Variants in PHLPP1 observed in about 807,000 individuals in gnomAD.
The protein encoded by PHLPP1 is PH domain leucine-rich repeat-containing protein phosphatase 1.
A neutral mutation model predicts 117.2 loss-of-function variants in PHLPP1; 42 were observed. The observed-to-expected ratio is 0.36, with a 90% CI of 0.28 to 0.46. The LOEUF is 0.46. PHLPP1 is among the 20% of genes least tolerant of loss of function. The probability of loss-of-function intolerance (pLI) is 1.00; values close to 1 mark genes in which losing one functional copy is unlikely to be tolerated. For synonymous variants in PHLPP1, 1,042 were observed against 970.7 expected (o/e 1.07, Z -1.37); for missense variants, 2,084 against 2,241.9 (o/e 0.93, Z 1.42).
chr18:62,748,999 A>G (rs1044988269), intron 1 of PHLPP1, among the ~76,000 whole-genome samples: 1 of 152,304 alleles, frequency 6.6e-6, no homozygotes, highest in African/African-American at 2.4e-5. Context: ...TAAAAAGCGT[A>G]TAATCACCAT....
Position 62,975,601 on chromosome 18 carries a change from A to G in PHLPP1, c.3960A>G (p.Lys1320=). 1 of 1,612,530 alleles carries G rather than the reference A, an allele frequency of 6.2e-7. No individual in the cohort carries two copies. ...MSCEEELKRI[K]QHKAIITEDG... ...GTGAAGAAGAGCTGAAGAGGATTAAACAGCACAAGGCCATTATCACTGAGG... is the reference window on the plus strand; with the variant it reads ...GTGAAGAAGAGCTGAAGAGGATTAAGCAGCACAAGGCCATTATCACTGAGG... The change falls in exon 16 of 17, where the codon AAA becomes AAG. Residue 1320 remains lysine (K), a synonymous_variant. Coordinates refer to ENST00000262719, the MANE Select transcript of PHLPP1 (RefSeq NM_194449.4).
intron 1 of PHLPP1, among the ~76,000 whole-genome samples, chr18:62,766,118 T>TATATATATATATAAAA (rs1912517936): frequency 1.2e-5 from 1 of 86,296 alleles, no homozygotes; most frequent in Non-Finnish European, 2.3e-5. Flanking sequence ...ATATATATAT[T>TATATATATATATAAAA]TGTACAGAAA....
At chr18:62,875,376 G>T (rs1281357243) in intron 4 of PHLPP1, among the ~76,000 whole-genome samples, 6 of 152,158 alleles carry the variant, frequency 3.9e-5, no homozygotes, top group African/African-American at 1.4e-4. Context: ...GCCATTGTGT[G>T]TTACTATTGT....
chr18:62,807,344 C>G (rs531488930), intron 1 of PHLPP1, among the ~76,000 whole-genome samples: 4 of 152,094 alleles, frequency 2.6e-5, no homozygotes, highest in African/African-American at 7.2e-5. Flanking sequence ...AGGTACTACT[C>G]TAAAATTTTA....
intron 1 of PHLPP1, among the ~76,000 whole-genome samples, chr18:62,737,701 C>T (rs1335140104): frequency 2.0e-5 from 3 of 152,002 alleles, no homozygotes; most frequent in Non-Finnish European, 4.4e-5. Context: ...ACCTCTGCTG[C>T]AGTTGTGATA....
intron 15 of PHLPP1, among the ~76,000 whole-genome samples, chr18:62,973,412 G>A (rs1911105883): frequency 6.6e-6 from 1 of 152,178 alleles, no homozygotes; most frequent in African/African-American, 2.4e-5. Context: ...TAATGGAATT[G>A]CCTGTCTATA....
intron 13 of PHLPP1, among the ~76,000 whole-genome samples, chr18:62,962,564 C>T (rs987911133): frequency 5.3e-5 from 8 of 152,224 alleles, no homozygotes; most frequent in African/African-American, 1.9e-4. Flanking sequence ...CCGCCTTGGC[C>T]TCCCAAAGTG....
In PHLPP1 at chr18:62,979,190, A is replaced by T. The variant is rs1182543875; in HGVS notation, c.4913A>T (p.Glu1638Val). 2 of 1,613,470 alleles carry T rather than the reference A, an allele frequency of 1.2e-6. No individual in the cohort carries two copies. The change falls in exon 17 of 17, where the codon GAG (glutamate) becomes GTG (valine). Residue 1638 changes from glutamate to valine, a missense_variant. By Grantham distance (121) the Glu-to-Val change is moderately radical. Transcript: ENST00000262719. ...APQERSHNVIEVATDAPLRKP... is the reference protein window; with the variant it reads ...APQERSHNVIVVATDAPLRKP... ...CAGGAAAGGAGCCACAATGTGATAG[A>T]GGTGGCTACAGACGCACCTCTTCGA...
intron 10 of PHLPP1, among the ~76,000 whole-genome samples, chr18:62,928,618 T>A (rs936406108): frequency 6.6e-6 from 1 of 152,166 alleles, no homozygotes; most frequent in Non-Finnish European, 1.5e-5. Flanking sequence ...CTCAAATAAT[T>A]AAACACAATA....
At chr18:62,871,644 ATTTTTT>A (rs71160879) in intron 4 of PHLPP1, among the ~76,000 whole-genome samples, 2 of 108,622 alleles carry the variant, frequency 1.8e-5, no homozygotes, top group African/African-American at 3.6e-5. Context: ...AGCTCTGAAA[ATTTTTT>A]TTTTTTTTTT....
chr18:62,822,017 G>A (rs1163575521), intron 1 of PHLPP1, among the ~76,000 whole-genome samples: 1 of 152,094 alleles, frequency 6.6e-6, no homozygotes, highest in Non-Finnish European at 1.5e-5. Context: ...GATCACCTGA[G>A]CCCAGGAGTT....
At chr18:62,852,825 T>A (rs563699105) in intron 3 of PHLPP1, among the ~76,000 whole-genome samples, 1 of 152,320 alleles carries the variant, frequency 6.6e-6, no homozygotes, top group South Asian at 2.1e-4. Flanking sequence ...CTGTGAACTT[T>A]CCCTTGCCTG....
intron 12 of PHLPP1, among the ~76,000 whole-genome samples, chr18:62,957,007 C>T (rs1251944193): frequency 6.6e-6 from 1 of 151,996 alleles, no homozygotes; most frequent in Non-Finnish European, 1.5e-5. Context: ...TATAATCTCC[C>T]TCCTCCCTTT....
At chr18:62,879,404 ATGTGTGTG>A (rs61701836) in intron 4 of PHLPP1, among the ~76,000 whole-genome samples, 5 of 145,840 alleles carry the variant, frequency 3.4e-5, no homozygotes, top group South Asian at 4.4e-4. Context: ...TATTCTGGAT[ATGTGTGTG>A]TGTGTGTGTG....
At chr18:62,808,105 C>T (rs889937184) in intron 1 of PHLPP1, among the ~76,000 whole-genome samples, 21 of 152,038 alleles carry the variant, frequency 1.4e-4, no homozygotes, top group African/African-American at 4.8e-4. Context: ...AGAGGTGGAG[C>T]TTGGATTGGG....
intron 1 of PHLPP1, among the ~76,000 whole-genome samples, chr18:62,752,199 T>C (rs1911877131): frequency 6.6e-6 from 1 of 152,210 alleles, no homozygotes; most frequent in Non-Finnish European, 1.5e-5. Context: ...CGCTTTAGCC[T>C]CCTGAGTAGC....
intron 1 of PHLPP1, among the ~76,000 whole-genome samples, chr18:62,769,009 A>G (rs1357620827): frequency 6.6e-6 from 1 of 152,218 alleles, no homozygotes. Flanking sequence ...TGAATTAGAA[A>G]TAAACTATTG....
At chr18:62,925,736 G>A (rs988675012) in intron 10 of PHLPP1, among the ~76,000 whole-genome samples, 2 of 152,188 alleles carry the variant, frequency 1.3e-5, no homozygotes, top group Admixed American at 1.3e-4. Flanking sequence ...AAGTTCTGAT[G>A]TTTTCAGAGT....
At chr18:62,893,762 G>A (rs987002331) in intron 4 of PHLPP1, among the ~76,000 whole-genome samples, 5 of 152,130 alleles carry the variant, frequency 3.3e-5, no homozygotes, top group African/African-American at 7.2e-5. Flanking sequence ...TGTAGAGGTC[G>A]TTGATAGGCC....
Sources: allele counts gnomAD v4.1 joint callset (sites outside exome capture counted in the v4.1 genomes callset), GRCh38; gene constraint gnomAD v4.1.1; transcripts MANE v1.5; gene names NCBI Gene and HGNC (gene_info 2026-07-23, HGNC 2026-07-21).